The following ACOXL variants were observed in gnomAD, a reference collection of about 807,000 sequenced individuals.
ACOXL encodes the protein acyl-CoA oxidase like, also known as acyl-coenzyme A oxidase-like protein.
ACOXL carries 70 observed loss-of-function variants against 71.9 expected under a neutral mutation model. The ratio of observed to expected loss-of-function variants is 0.97; its 90% CI spans 0.80 to 1.19. The LOEUF is 1.19. ACOXL is among the 50% of genes most tolerant of loss of function. The probability of loss-of-function intolerance (pLI) is 0.00; values close to 1 mark genes in which losing one functional copy is unlikely to be tolerated. For missense variants in ACOXL, 703 were observed against 736.3 expected (o/e 0.95, Z 0.52); for synonymous variants, 253 against 281.6 (o/e 0.90, Z 1.02).
At chr2:110,898,234 A>G (rs1314681598) in intron 10 of ACOXL, among the ~76,000 whole-genome samples, 2 of 151,930 alleles carry the variant, frequency 1.3e-5, no homozygotes, top group South Asian at 2.1e-4. Flanking sequence ...TTTCCAAGTC[A>G]TTTTTTTTGA....
rs140604841 is a variant in ACOXL, at chr2:110,870,285, C to T, written c.788+28880C>T. Among the ~76,000 whole-genome samples, 308 of 152,114 alleles carry T rather than the reference C, an allele frequency of 2.0e-3. 2 individuals carry two copies. The highest frequency in any genetic ancestry group is 7.2e-3 in the African/African-American group (299 of 41,510). ...AGGCAGCACTGCCCTAGTCAGCTGT[C>T]GCTGGGCAGGCCTTGTGTAGTGCCA... On this transcript the variant is annotated intron_variant, in intron 10 of 17. Transcript: ENST00000439055.
At position 110,876,200 on chromosome 2, in the gene ACOXL, A is replaced by G. The variant is rs75691007; in HGVS notation, c.789-32589A>G. On this transcript the variant is annotated intron_variant, in intron 10 of 17. Transcript: ENST00000439055. ...CTTGAAAGCCATCTTGTAATGCTCC[A>G]TCTTGGAATCTAGACCCAGGCAACT... Among the ~76,000 whole-genome samples, 1,213 of 152,312 alleles carry G rather than the reference A, an allele frequency of 8.0e-3. 14 individuals carry two copies. The highest frequency in any genetic ancestry group is 0.012 in the Non-Finnish European group (813 of 68,036).
At chr2:111,066,497 ATGT>A (rs2067080115) in intron 16 of ACOXL, among the ~76,000 whole-genome samples, 2 of 152,238 alleles carry the variant, frequency 1.3e-5, no homozygotes, top group Admixed American at 6.5e-5. Context: ...GCTGGTTGTG[ATGT>A]TGTACTATAG....
At chr2:111,015,669 A>G (rs1008467898) in intron 14 of ACOXL, among the ~76,000 whole-genome samples, 3 of 152,250 alleles carry the variant, frequency 2.0e-5, no homozygotes, top group African/African-American at 4.8e-5. Flanking sequence ...TTGTACAGGA[A>G]TGCTCATAAC....
At chr2:110,925,908 A>T (rs1010012020) in intron 11 of ACOXL, among the ~76,000 whole-genome samples, 2 of 140,488 alleles carry the variant, frequency 1.4e-5, no homozygotes, top group South Asian at 2.2e-4. Context: ...AGAAAGACAT[A>T]TGACTCTTCC....
chr2:110,849,271 G>T (rs1692302800), intron 10 of ACOXL, among the ~76,000 whole-genome samples: 2 of 152,168 alleles, frequency 1.3e-5, no homozygotes, highest in African/African-American at 2.4e-5. Flanking sequence ...AAGCCCTACT[G>T]TGTCCACAGG....
At chr2:110,820,596 C>A (rs1688475899) in intron 9 of ACOXL, among the ~76,000 whole-genome samples, 1 of 152,080 alleles carries the variant, frequency 6.6e-6, no homozygotes, top group Non-Finnish European at 1.5e-5. Flanking sequence ...GAGGCTCAAT[C>A]TCCACAGCCA....
intron 1 of ACOXL, among the ~76,000 whole-genome samples, chr2:110,759,904 G>T (rs1160619886): frequency 6.6e-6 from 1 of 151,750 alleles, no homozygotes; most frequent in East Asian, 1.9e-4. Flanking sequence ...TTTCATCTAG[G>T]TTCTGTAAAT....
intron 17 of ACOXL, among the ~76,000 whole-genome samples, chr2:111,107,967 C>A (rs1224009739): frequency 6.6e-6 from 1 of 152,202 alleles, no homozygotes; most frequent in Non-Finnish European, 1.5e-5. Context: ...TTTCTTCCAG[C>A]AGCAGTACTT....
rs796839785 is a variant in ACOXL at position 110,762,466 on chromosome 2, G to A, written c.-22-5902G>A. Among the ~76,000 whole-genome samples, 29 of 151,470 alleles carry A rather than the reference G, an allele frequency of 1.9e-4. 1 individual carries two copies. The highest frequency in any genetic ancestry group is 8.4e-4 in the South Asian group (4 of 4,768). On this transcript the variant is annotated intron_variant, in intron 1 of 17. Coordinates refer to ENST00000439055, the MANE Select transcript of ACOXL (RefSeq NM_001142807.4). ...TATTTGAACATTATTTTAGGATACC[G>A]TCTTGATGTATTTATTGTGTTTTAG... is the stretch of plus-strand genomic sequence containing the variant.
chr2:110,868,944 G>A (rs1465447959), intron 10 of ACOXL, among the ~76,000 whole-genome samples: 1 of 152,112 alleles, frequency 6.6e-6, no homozygotes, highest in Non-Finnish European at 1.5e-5. Flanking sequence ...TTTCCAAAAT[G>A]CTCCCTCTGG....
At chr2:111,007,790 T>TATTA (rs1436018927) in intron 14 of ACOXL, among the ~76,000 whole-genome samples, 7 of 152,244 alleles carry the variant, frequency 4.6e-5, no homozygotes, top group Non-Finnish European at 8.8e-5. Flanking sequence ...AACTCACGTA[T>TATTA]ATTAACTCAC....
chr2:111,104,959 C>T (rs2069436050), intron 17 of ACOXL, among the ~76,000 whole-genome samples: 4 of 152,044 alleles, frequency 2.6e-5, no homozygotes, highest in Admixed American at 2.6e-4. Flanking sequence ...TATACTTTTA[C>T]ATTTTTCATT....
At chr2:110,868,073 T>G (rs541648579) in intron 10 of ACOXL, among the ~76,000 whole-genome samples, 65 of 152,342 alleles carry the variant, frequency 4.3e-4, no homozygotes, top group African/African-American at 1.5e-3. Context: ...AAATTGCTAT[T>G]CTTGATAGAA....
At chr2:110,884,474 A>C (rs1488058972) in intron 10 of ACOXL, among the ~76,000 whole-genome samples, 3 of 152,096 alleles carry the variant, frequency 2.0e-5, no homozygotes, top group Non-Finnish European at 2.9e-5. Context: ...CCAAAGTTGC[A>C]TATTTAGGGG....
intron 16 of ACOXL, among the ~76,000 whole-genome samples, chr2:111,090,245 A>T (rs919061058): frequency 2.0e-5 from 3 of 152,320 alleles, no homozygotes; most frequent in Non-Finnish European, 4.4e-5. Context: ...CAGTTAATCC[A>T]TAAATTCATA....
chr2:111,040,827 C>T (rs919836811), intron 15 of ACOXL, among the ~76,000 whole-genome samples: 1 of 152,010 alleles, frequency 6.6e-6, no homozygotes, highest in Non-Finnish European at 1.5e-5. Flanking sequence ...TTGGTGTGGT[C>T]GGGGTGTAGG....
chr2:111,001,984 T>C (rs1471992317), intron 14 of ACOXL, among the ~76,000 whole-genome samples: 1 of 152,240 alleles, frequency 6.6e-6, no homozygotes, highest in Non-Finnish European at 1.5e-5. Flanking sequence ...GTGCCCACAT[T>C]ATATCGTTGA....
chr2:111,117,600 G>A lies in ACOXL; in HGVS notation c.1543-16G>A, dbSNP rs1339264439. 1.2e-5 allele frequency: 18 copies of A among 1,551,718 alleles called. No individual in the cohort carries two copies. The highest frequency in any genetic ancestry group is 1.5e-5 in the Non-Finnish European group (17 of 1,146,954). On this transcript the variant is annotated splice_polypyrimidine_tract_variant and intron_variant, in intron 17 of 17. Coordinates refer to ENST00000439055, the MANE Select transcript of ACOXL (RefSeq NM_001142807.4). ...GTGCCAACATCTGACCTGTCCCATT[G>A]TGTTGTGTTTTGCAGTTGCTGGATT...
Sources: gnomAD v4.1 joint callset for allele counts (sites outside exome capture counted in the v4.1 genomes callset) on GRCh38, gnomAD v4.1.1 for gene constraint, MANE v1.5 for transcripts, NCBI Gene and HGNC (gene_info 2026-07-23, HGNC 2026-07-21) for gene names.